Variants in SLFN11 observed in about 807,000 individuals in gnomAD.
The protein encoded by SLFN11 is schlafen family member 11.
SLFN11 carries 43 observed loss-of-function variants against 53.4 expected under a neutral mutation model. The observed-to-expected ratio is 0.80, with a 90% CI of 0.63 to 1.04. The LOEUF (loss-of-function observed/expected upper bound fraction) is 1.04, where lower values mean the gene tolerates loss of function less well. Among genes scored for constraint, SLFN11 ranks in the 50% least tolerant of loss-of-function variants. The pLI is 0.00. For synonymous variants in SLFN11, 389 were observed against 394.7 expected, an observed-to-expected ratio of 0.99 and a Z score of 0.17; for missense variants, 990 against 1,079.1, an observed-to-expected ratio of 0.92 and a Z score of 1.16.
Position 35,363,554 on chromosome 17 carries a change from A to T in SLFN11, c.254T>A (p.Ile85Asn). 1 of 1,614,054 alleles carries T rather than the reference A, an allele frequency of 6.2e-7. No individual in the cohort carries two copies. Among genetic ancestry groups the T allele is most frequent in the South Asian group, 1.1e-5 (1 of 91,080 alleles). ...GAAAGCCTGCAGATCTGAAGACTGAATAAGCTCTCTCAAAGACTGTTCTAA... is the reference window on the plus strand; with the variant it reads ...GAAAGCCTGCAGATCTGAAGACTGATTAAGCTCTCTCAAAGACTGTTCTAA... ...LDLEQSLREL[I>N]QSSDLQAFFE... Residue 85 changes from isoleucine (I) to asparagine (N), a missense_variant, in exon 4 of 7, where the codon ATT becomes AAT. Physicochemically the swap from Ile to Asn is moderately radical, Grantham distance 149. Transcript: ENST00000685675.
At position 35,352,734 on chromosome 17, in the gene SLFN11, G is replaced by C; in HGVS notation, c.2328C>G (p.Thr776=). The C allele has an allele frequency of 6.2e-7, 1 of 1,614,182 alleles. No homozygotes were observed. The change falls in exon 7 of 7, where the codon ACC becomes ACG. Residue 776 remains threonine, a synonymous_variant. Transcript: ENST00000685675. Reference sequence around the variant, plus strand: ...CAGTCAAGTATTTCTTAATTCGTAAGGTTCCCTGAACACCCTGGGACCATT... The same window carrying C: ...CAGTCAAGTATTTCTTAATTCGTAACGTTCCCTGAACACCCTGGGACCATT... ...EAEWSQGVQG[T]LRIKKYLTVE...
At chr17:35,371,826 G>C (rs141557247) in intron 1 of SLFN11, among the ~76,000 whole-genome samples, 1 of 152,036 alleles carries the variant, frequency 6.6e-6, no homozygotes, top group Admixed American at 6.5e-5. Context: ...AATAACAAAC[G>C]CTGGCAAGGA....
rs1224783779 is a variant in SLFN11, at chr17:35,352,631, C to G, written c.2431G>C (p.Val811Leu). 6.2e-7 allele frequency: 1 copy of G among 1,614,052 alleles called. No individual in the cohort carries two copies. Among genetic ancestry groups the G allele is most frequent in the African/African-American group, 1.3e-5 (1 of 74,898 alleles). ...DRGYSPKDVA[V>L]LVSTAKEVEH... Reference sequence around the variant, plus strand: ...ACTTCTTTTGCGGTGCTGACAAGCACAGCAACATCCTTTGGAGAATAGCCC... The same window carrying G: ...ACTTCTTTTGCGGTGCTGACAAGCAGAGCAACATCCTTTGGAGAATAGCCC... Residue 811 changes from valine (V) to leucine (L), a missense_variant, in exon 7 of 7, where the codon GTG becomes CTG. Coordinates refer to ENST00000685675, the MANE Select transcript of SLFN11 (RefSeq NM_001376007.1).
chr17:35,359,023 G>GA (rs1567820631), intron 5 of SLFN11, among the ~76,000 whole-genome samples: 1 of 151,426 alleles, frequency 6.6e-6, no homozygotes, highest in Non-Finnish European at 1.5e-5. Context: ...GTCTCAAAAA[G>GA]AAAAAAAGAC....
intron 1 of SLFN11, among the ~76,000 whole-genome samples, chr17:35,369,142 G>A (rs563464431): frequency 4.6e-5 from 7 of 152,120 alleles, no homozygotes; most frequent in Admixed American, 2.6e-4. Context: ...GTCTTGCACC[G>A]TAGGTACCAG....
rs772404759 is a variant in SLFN11, at chr17:35,360,193, T to G, written c.1198+50A>C. The G allele has an allele frequency of 3.8e-6, 6 of 1,569,942 alleles. No homozygotes were observed. In the East Asian group the frequency reaches 1.3e-4, roughly 35 times the overall value. On this transcript the variant is annotated intron_variant, in intron 5 of 6. Coordinates refer to ENST00000685675, the MANE Select transcript of SLFN11 (RefSeq NM_001376007.1). ...ACAAATATTATAGTTTAATCTCCCT[T>G]TATCCTAATATAGAAACTGGCTGGT...
In SLFN11 at chr17:35,363,475, G is replaced by T; in HGVS notation, c.333C>A (p.Ser111Arg). ...AGCGATCTTCAGGGAAAGGGCCACTGCTCCAAGATTTAACAAAAATGTAAA... is the reference window on the plus strand; with the variant it reads ...AGCGATCTTCAGGGAAAGGGCCACTTCTCCAAGATTTAACAAAAATGTAAA... Reference protein sequence around the residue: ...RCFYIFVKSWSSGPFPEDRSV... With the variant: ...RCFYIFVKSWRSGPFPEDRSV... The change falls in exon 4 of 7, where the codon AGC (serine) becomes AGA (arginine). Residue 111 changes from serine to arginine, a missense_variant. Around this residue, in one of 3 missense-constraint regions of SLFN11, gnomAD observed 521 missense variants for 516.2 expected, o/e 1.01. Coordinates refer to ENST00000685675, the MANE Select transcript of SLFN11 (RefSeq NM_001376007.1). The T allele has an allele frequency of 6.2e-7, 1 of 1,613,948 alleles. No homozygotes were observed.
intron 3 of SLFN11, among the ~76,000 whole-genome samples, chr17:35,366,134 G>A (rs1227872968): frequency 2.0e-5 from 3 of 152,082 alleles, no homozygotes; most frequent in Non-Finnish European, 2.9e-5. Flanking sequence ...GGGGGAAAGG[G>A]TAGGATTTTA....
At chr17:35,371,960 C>A (rs1299501282) in intron 1 of SLFN11, among the ~76,000 whole-genome samples, 1 of 152,110 alleles carries the variant, frequency 6.6e-6, no homozygotes, top group African/African-American at 2.4e-5. Context: ...TTCAGCAATT[C>A]TACTCCTAAG....
Position 35,351,081 on chromosome 17 carries a change from C to T in SLFN11, c.*1275G>A, listed in dbSNP as rs761519126. On this transcript the variant is annotated 3_prime_UTR_variant, in exon 7 of 7. Transcript: ENST00000685675. The stretch of plus-strand genomic sequence containing the variant: ...GCTGAAACAACAGAAATTTGTTTCT[C>T]ACAGTCTGGAGGCTGGAAGTCCAAG... 1.3e-5 allele frequency: 2 copies of T among 152,192 alleles called. No homozygotes were observed. Among genetic ancestry groups the T allele is most frequent in the African/African-American group, 4.8e-5 (2 of 41,444 alleles). 9.4% of individuals were successfully genotyped at this position (152,192 alleles called of 1,614,324 possible). A position where few individuals can be genotyped will look rare whatever the true frequency, so the allele number is the denominator to read the frequency against.
At chr17:35,354,866 A>C (rs1229169325) in intron 5 of SLFN11, among the ~76,000 whole-genome samples, 1 of 152,082 alleles carries the variant, frequency 6.6e-6, no homozygotes, top group Non-Finnish European at 1.5e-5. Flanking sequence ...GTAATTTCAA[A>C]TGAAATTACC....
chr17:35,372,029 C>T (rs1909741462), intron 1 of SLFN11, among the ~76,000 whole-genome samples: 1 of 152,100 alleles, frequency 6.6e-6, no homozygotes, highest in African/African-American at 2.4e-5. Context: ...TCCTATGTTT[C>T]CTGCAGCACT....
In SLFN11 at chr17:35,360,278, T is replaced by C; in HGVS notation, c.1163A>G (p.Glu388Gly). ...SRPVYSKKGLEHKKELQQLLF... is the reference protein window; with the variant it reads ...SRPVYSKKGLGHKKELQQLLF... ...AAGTTGCTGGAGTTCCTTTTTATGT[T>C]CCAGGCCTTTCTTGGAGTACACTGG... The change falls in exon 5 of 7, where the codon GAA becomes GGA. Residue 388 changes from glutamate (E) to glycine (G), a missense_variant. By Grantham distance (98) the Glu-to-Gly change is moderately conservative. Coordinates refer to ENST00000685675, the MANE Select transcript of SLFN11 (RefSeq NM_001376007.1). The C allele has an allele frequency of 1.2e-6, 2 of 1,611,624 alleles. No individual in the cohort carries two copies. The highest frequency in any genetic ancestry group is 1.7e-6 in the Non-Finnish European group (2 of 1,179,284).
In SLFN11 at chr17:35,353,452, G is replaced by C. The variant is rs1907021210; in HGVS notation, c.1806C>G (p.Gly602=). The C allele has an allele frequency of 1.9e-6, 3 of 1,601,240 alleles. No individual in the cohort carries two copies. The East Asian group carries it at 6.7e-5, about 36-fold the overall frequency. Reference sequence around the variant, plus strand: ...TCATGGCCATGATGGTCTTCCCTGAGCCAGGTAAGCCGTGGACAAACAACT... The same window carrying C: ...TCATGGCCATGATGGTCTTCCCTGACCCAGGTAAGCCGTGGACAAACAACT... ...NRELFVHGLP[G]SGKTIMAMKI... is the part of the protein sequence containing the mutation. The change falls in exon 6 of 7, where the codon GGC becomes GGG. Residue 602 remains glycine, a synonymous_variant. Transcript: ENST00000685675.
At position 35,373,559 on chromosome 17, in the gene SLFN11, T is replaced by C. The variant is rs9303685; in HGVS notation, c.-320A>G. ...GAAACGCAACTCCGGAGTCCCAGGC[T>C]GGGGGCAAGGACCCTCTCTGACCTC... is the stretch of plus-strand genomic sequence containing the variant. On this transcript the variant is annotated 5_prime_UTR_variant, in exon 1 of 7. Transcript: ENST00000685675. 55,624 of 151,446 alleles carry C rather than the reference T, an allele frequency of 0.37. 11,287 individuals are homozygous for C. Among genetic ancestry groups the C allele is most frequent in the Non-Finnish European group, 0.44 (29,812 of 67,876 alleles). 9.4% of individuals were successfully genotyped at this position (151,446 alleles called of 1,614,324 possible).
rs954322440 is a variant in SLFN11, at chr17:35,352,315, A to G, written c.*41T>C. The G allele has an allele frequency of 1.3e-6, 2 of 1,598,778 alleles. No homozygotes were observed. The highest frequency in any genetic ancestry group is 2.7e-5 in the African/African-American group (2 of 74,530). On this transcript the variant is annotated 3_prime_UTR_variant, in exon 7 of 7. Transcript: ENST00000685675. ...AGGTTTCTACCATCAGCAGACTGTC[A>G]CCCATAGACATTTACATAGCATTTT...
rs1906960820 is a variant in SLFN11 at position 35,353,115 on chromosome 17, C to T, written c.1947G>A (p.Glu649=). 1 of 1,613,584 alleles carries T rather than the reference C, an allele frequency of 6.2e-7. No homozygotes were observed. Among genetic ancestry groups the T allele is most frequent in the South Asian group, 1.1e-5 (1 of 91,032 alleles). The change falls in exon 7 of 7, where the codon GAG becomes GAA. Residue 649 remains glutamate (E), a synonymous_variant. Transcript: ENST00000685675. ...FISDRNICRA[E]TRKTFLRENF... The stretch of plus-strand genomic sequence containing the variant: ...TTTCTCTTAGGAAAGTTTTCCGGGT[C>T]TCTGCTCGGCAGATATTTCTATCAC...
rs776056804 is a variant in SLFN11, at chr17:35,353,519, T to TG, written c.1738dup (p.Gln580ProfsTer4). 2.0e-6 allele frequency: 3 copies of TG among 1,477,268 alleles called. No individual in the cohort carries two copies. The highest frequency in any genetic ancestry group is 2.7e-6 in the Non-Finnish European group (3 of 1,093,972). 91.5% of individuals were successfully genotyped at this position (1,477,268 alleles called of 1,614,324 possible). A position where few individuals can be genotyped will look rare whatever the true frequency, so the allele number is the denominator to read the frequency against. On this transcript the variant is annotated frameshift_variant, in exon 6 of 7. Transcript: ENST00000685675. LOFTEE classifies it high-confidence loss of function. ...GCTTCTGGAGAATATCTCATACTGCTGGGCTGTGAGCAGATTTAAAACCTC... is the reference window on the plus strand; with the variant it reads ...GCTTCTGGAGAATATCTCATACTGCTGGGGCTGTGAGCAGATTTAAAACCTC...
In SLFN11 at chr17:35,363,523, C is replaced by T; in HGVS notation, c.285G>A (p.Glu95=). Residue 95 remains glutamate, a synonymous_variant, in exon 4 of 7, where the codon GAG becomes GAA. Coordinates refer to ENST00000685675, the MANE Select transcript of SLFN11 (RefSeq NM_001376007.1). ...IQSSDLQAFF[E]TKQQGRCFYI... ...AAAAACACCTTCCTTGTTGCTTGGT[C>T]TCAAAGAAAGCCTGCAGATCTGAAG... The T allele has an allele frequency of 1.2e-6, 2 of 1,614,060 alleles. No homozygotes were observed. Among genetic ancestry groups the T allele is most frequent in the Non-Finnish European group, 1.7e-6 (2 of 1,179,998 alleles).
Sources: gnomAD v4.1 joint callset for allele counts (sites outside exome capture counted in the v4.1 genomes callset) on GRCh38, gnomAD v4.1.1 for gene constraint, gnomAD v4.1.1 regional missense constraint, MANE v1.5 for transcripts, NCBI Gene and HGNC (gene_info 2026-07-23, HGNC 2026-07-21) for gene names.